NAAA: variants seen among roughly 807,000 people sequenced by gnomAD.
NAAA encodes N-acylethanolamine acid amidase.
NAAA carries 39 observed loss-of-function variants against 44.8 expected under a neutral mutation model. The observed-to-expected ratio is 0.87, with a 90% CI of 0.67 to 1.14. NAAA has a LOEUF of 1.14. NAAA is among the 50% of genes most tolerant of loss of function. NAAA has a pLI of 0.00. For missense variants in NAAA, 460 were observed against 467.8 expected, an observed-to-expected ratio of 0.98 and a Z score of 0.15; for synonymous variants, 178 against 191.3, an observed-to-expected ratio of 0.93 and a Z score of 0.58.
In NAAA at chr4:75,931,124, C is replaced by G. The variant is rs1480079199; in HGVS notation, c.589+90G>C. ...AAGTCCCTGCCACATAGTGGGTGTT[C>G]TGTATATTCTGTTGGGTGAGTGAAG... is the stretch of plus-strand genomic sequence containing the variant. On this transcript the variant is annotated intron_variant, in intron 4 of 10. Coordinates refer to ENST00000286733, the MANE Select transcript of NAAA (RefSeq NM_014435.4). 3 of 985,096 alleles carry G rather than the reference C, an allele frequency of 3.0e-6. No homozygotes were observed. In the African/African-American group the frequency reaches 4.8e-5, roughly 16 times the overall value. 61.0% of individuals were successfully genotyped at this position (985,096 alleles called of 1,614,324 possible).
At chr4:75,922,865 T>C (rs1176271325) in intron 5 of NAAA, among the ~76,000 whole-genome samples, 2 of 152,204 alleles carry the variant, frequency 1.3e-5, no homozygotes, top group Admixed American at 6.5e-5. Flanking sequence ...AAATTCATTT[T>C]CTCTAACCTG....
chr4:75,939,582 A>C (rs1364150875), intron 2 of NAAA, among the ~76,000 whole-genome samples: 1 of 151,246 alleles, frequency 6.6e-6, no homozygotes, highest in Non-Finnish European at 1.5e-5. Context: ...CGCCTGGCTA[A>C]TTTTTTGTGT....
intron 2 of NAAA, among the ~76,000 whole-genome samples, chr4:75,939,252 T>C (rs934310105): frequency 6.6e-6 from 1 of 151,998 alleles, no homozygotes; most frequent in Non-Finnish European, 1.5e-5. Flanking sequence ...ACACAGACAC[T>C]TCAGCCACGA....
chr4:75,913,918 G>A lies in NAAA; in HGVS notation c.*457C>T, dbSNP rs964505304. The A allele has an allele frequency of 1.0e-6, 1 of 985,290 alleles. No individual in the cohort carries two copies. The highest frequency in any genetic ancestry group is 1.7e-5 in the African/African-American group (1 of 57,234). 61.0% of individuals were successfully genotyped at this position (985,290 alleles called of 1,614,324 possible). Reference sequence around the variant, plus strand: ...TCAAACAGGCTTGGTTCGAAATAGAGTTCTCCATTTCTTTCAGATGAGCCT... The same window carrying A: ...TCAAACAGGCTTGGTTCGAAATAGAATTCTCCATTTCTTTCAGATGAGCCT... On this transcript the variant is annotated 3_prime_UTR_variant, in exon 11 of 11. Coordinates refer to ENST00000286733, the MANE Select transcript of NAAA (RefSeq NM_014435.4).
At chr4:75,937,660 G>C (rs1034737443) in intron 2 of NAAA, among the ~76,000 whole-genome samples, 3 of 152,048 alleles carry the variant, frequency 2.0e-5, no homozygotes, top group African/African-American at 7.3e-5. Flanking sequence ...TAATTTTGTG[G>C]TATTTTTTGT....
At chr4:75,915,136 G>C in intron 9 of NAAA, 151 bp from the exon 10 acceptor site, 1 of 627,244 alleles carries the variant, frequency 1.6e-6, no homozygotes, top group Non-Finnish European at 2.8e-6. Flanking sequence ...AGAGGTCAAA[G>C]TGCACTTTCC....
chr4:75,916,761 A>AGAT (rs1463713037), intron 9 of NAAA, among the ~76,000 whole-genome samples: 1 of 149,678 alleles, frequency 6.7e-6, no homozygotes. Flanking sequence ...AATTTTTAAA[A>AGAT]GATATATTCA....
intron 9 of NAAA, among the ~76,000 whole-genome samples, chr4:75,917,968 A>G (rs926038859): frequency 6.6e-6 from 1 of 152,182 alleles, no homozygotes; most frequent in Non-Finnish European, 1.5e-5. Context: ...AGGATAAAAG[A>G]AAACCAAAGG....
Position 75,921,132 on chromosome 4 carries a change from A to G in NAAA, c.667-9T>C. The G allele has an allele frequency of 6.4e-7, 1 of 1,562,816 alleles. No homozygotes were observed. The highest frequency in any genetic ancestry group is 8.6e-7 in the Non-Finnish European group (1 of 1,160,288). On this transcript the variant is annotated splice_polypyrimidine_tract_variant and intron_variant, in intron 5 of 10. Coordinates refer to ENST00000286733, the MANE Select transcript of NAAA (RefSeq NM_014435.4). ...TCCGACTCACTCAGGGTCTGAACGA[A>G]AGGATGAACTTGCGTGAGCAACCCC...
intron 2 of NAAA, among the ~76,000 whole-genome samples, chr4:75,937,928 A>G (rs1222326999): frequency 6.6e-6 from 1 of 152,232 alleles, no homozygotes; most frequent in Non-Finnish European, 1.5e-5. Flanking sequence ...CAATACTTCC[A>G]TCTCAGGCCC....
At chr4:75,918,858 G>C in intron 8 of NAAA, 69 bp from the exon 9 acceptor site, 7 of 1,454,100 alleles carry the variant, frequency 4.8e-6, no homozygotes, top group Middle Eastern at 1.7e-4. Context: ...AATATCTATG[G>C]AGGGCCGGGT....
rs746897866 is a variant in NAAA at position 75,920,816 on chromosome 4, T to A, written c.840-16A>T. The A allele has an allele frequency of 1.2e-6, 2 of 1,614,028 alleles. No individual in the cohort carries two copies. The highest frequency in any genetic ancestry group is 2.2e-5 in the East Asian group (1 of 44,892). On this transcript the variant is annotated splice_polypyrimidine_tract_variant and intron_variant, in intron 6 of 10. Coordinates refer to ENST00000286733, the MANE Select transcript of NAAA (RefSeq NM_014435.4). Reference sequence around the variant, plus strand: ...TCGGAACCACCTACAACAGAGCACATCATCTTGTCTTATCCAAGGCAATTT... The same window carrying A: ...TCGGAACCACCTACAACAGAGCACAACATCTTGTCTTATCCAAGGCAATTT...
intron 7 of NAAA, 135 bp from the exon 8 acceptor site, chr4:75,920,110 C>G: frequency 4.8e-6 from 4 of 839,840 alleles, no homozygotes; most frequent in Non-Finnish European, 7.8e-6. Context: ...TGGCCCCAAG[C>G]CTGTTTCCTG....
chr4:75,920,945 A>G lies in NAAA; in HGVS notation c.839+6T>C. On this transcript the variant is annotated splice_donor_region_variant and intron_variant, in intron 6 of 10. Coordinates refer to ENST00000286733, the MANE Select transcript of NAAA (RefSeq NM_014435.4). ...CAAAATGACCAGAGCTTTCAATTCT[A>G]CTTACGCTCCATTCAAAGGATCTAG... 4 of 1,613,754 alleles carry G rather than the reference A, an allele frequency of 2.5e-6. No individual in the cohort carries two copies. The highest frequency in any genetic ancestry group is 1.7e-4 in the Middle Eastern group (1 of 6,058).
In NAAA at chr4:75,920,978, A is replaced by T. The variant is rs113751309; in HGVS notation, c.812T>A (p.Ile271Asn). ...ITRNRDGPADIWPLDPLNGAW... is the reference protein window; with the variant it reads ...ITRNRDGPADNWPLDPLNGAW... Reference sequence around the variant, plus strand: ...TCCATTCAAAGGATCTAGAGGCCAAATGTCTGCTGGGCCATCTCTGTTCCT... The same window carrying T: ...TCCATTCAAAGGATCTAGAGGCCAATTGTCTGCTGGGCCATCTCTGTTCCT... The change falls in exon 6 of 11, where the codon ATT (isoleucine) becomes AAT (asparagine). Residue 271 changes from isoleucine to asparagine, a missense_variant. By Grantham distance (149) the Ile-to-Asn change is moderately radical (BLOSUM62 -3). Transcript: ENST00000286733. 11 of 1,613,394 alleles carry T rather than the reference A, an allele frequency of 6.8e-6. No homozygotes were observed. The highest frequency in any genetic ancestry group is 4.0e-5 in the African/African-American group (3 of 74,942).
At chr4:75,930,300 G>A (rs530956233) in intron 4 of NAAA, among the ~76,000 whole-genome samples, 1 of 152,256 alleles carries the variant, frequency 6.6e-6, no homozygotes, top group South Asian at 2.1e-4. Flanking sequence ...GTTCCCCTGA[G>A]ATCTGGGGAA....
chr4:75,928,963 T>G (rs573746011), intron 4 of NAAA, among the ~76,000 whole-genome samples: 27 of 148,812 alleles, frequency 1.8e-4, no homozygotes, highest in South Asian at 1.3e-3. Context: ...AAATTTGTGT[T>G]TTTTTTTTTT....
downstream of NAAA, among the ~76,000 whole-genome samples, chr4:75,912,379 C>T (rs59852280): frequency 5.9e-5 from 9 of 151,990 alleles, no homozygotes; most frequent in East Asian, 1.7e-3. Flanking sequence ...GTGGTGAAAC[C>T]CTGTCTCTAC....
intron 8 of NAAA, 103 bp downstream of exon 8, chr4:75,919,806 C>T (rs953134863): frequency 1.7e-6 from 2 of 1,159,748 alleles, no homozygotes; most frequent in African/African-American, 1.5e-5. Flanking sequence ...AAACTTTTAC[C>T]CTAACGTTTT....
Sources: gnomAD v4.1 joint callset for allele counts (sites outside exome capture counted in the v4.1 genomes callset) on GRCh38, gnomAD v4.1.1 for gene constraint, MANE v1.5 for transcripts, NCBI Gene and HGNC (gene_info 2026-07-23, HGNC 2026-07-21) for gene names.